Variants in MYO7A observed in about 807,000 individuals in gnomAD.
The protein encoded by MYO7A is myosin VIIA.
MYO7A carries 210 observed loss-of-function variants against 263.8 expected under a neutral mutation model. The ratio of observed to expected loss-of-function variants is 0.80; its 90% CI spans 0.71 to 0.89. The LOEUF (loss-of-function observed/expected upper bound fraction) is 0.89. Ranked by LOEUF, MYO7A falls within the 40% of genes least tolerant of loss-of-function variation. The probability of loss-of-function intolerance (pLI) is 0.00; values close to 1 mark genes in which losing one functional copy is unlikely to be tolerated. For missense variants in MYO7A, 2,820 were observed against 2,968.3 expected (o/e 0.95, Z 1.16); for synonymous variants, 1,239 against 1,197.3 (o/e 1.03, Z -0.72).
chr11:77,181,619 G>T, intron 23 of MYO7A, 30 bp downstream of exon 23: 1 of 1,595,102 alleles, frequency 6.3e-7, no homozygotes, highest in Non-Finnish European at 8.6e-7. Context: ...GGCTCCAGAG[G>T]CCCACACACA....
In MYO7A at chr11:77,192,093, A is replaced by G; in HGVS notation, c.3967A>G (p.Ile1323Val). 6.2e-7 allele frequency: 1 copy of G among 1,613,830 alleles called. No individual in the cohort carries two copies. The highest frequency in any genetic ancestry group is 8.5e-7 in the Non-Finnish European group (1 of 1,179,890). Residue 1323 changes from isoleucine (I) to valine (V), a missense_variant, in exon 31 of 49, where the codon ATC becomes GTC. By Grantham distance (29) the Ile-to-Val change is conservative. Coordinates refer to ENST00000409709, the MANE Select transcript of MYO7A (RefSeq NM_000260.4). ...GSGSDHVMDA[I>V]SQCEQYAKEQ... ...CGGCAGTGACCACGTCATGGACGCC[A>G]TCTCCCAGTGCGAGCAGTACGCCAA...
intron 34 of MYO7A, among the ~76,000 whole-genome samples, chr11:77,199,005 C>G (rs1442417174): frequency 6.6e-6 from 1 of 152,168 alleles, no homozygotes; most frequent in Non-Finnish European, 1.5e-5. Flanking sequence ...GATGGGAGAG[C>G]TCTTTATAAA....
Position 77,184,564 on chromosome 11 carries a change from C to T in MYO7A, c.3376-24C>T, listed in dbSNP as rs782543731. ...AGGGGAACACCCCTAACTTTACCTG[C>T]CCTGTCCTCTCCCTCTGGCCCAGGT... On this transcript the variant is annotated intron_variant, in intron 26 of 48. Coordinates refer to ENST00000409709, the MANE Select transcript of MYO7A (RefSeq NM_000260.4). The T allele has an allele frequency of 2.1e-5, 32 of 1,552,012 alleles. No homozygotes were observed. In the East Asian group the frequency reaches 7.3e-4, roughly 35 times the overall value.
chr11:77,146,605 C>T (rs1312661305), intron 3 of MYO7A, among the ~76,000 whole-genome samples: 1 of 152,002 alleles, frequency 6.6e-6, no homozygotes, highest in Non-Finnish European at 1.5e-5. Context: ...TGCTAGTGTC[C>T]AGCTGTTGGG....
chr11:77,156,994 T>G lies in MYO7A; in HGVS notation c.725T>G (p.Val242Gly). The G allele has an allele frequency of 1.9e-6, 3 of 1,613,136 alleles. No homozygotes were observed. The highest frequency in any genetic ancestry group is 2.5e-6 in the Non-Finnish European group (3 of 1,179,562). The change falls in exon 7 of 49, where the codon GTC becomes GGC. Residue 242 changes from valine (V) to glycine (G), a missense_variant. Coordinates refer to ENST00000409709, the MANE Select transcript of MYO7A (RefSeq NM_000260.4). ...CAGTACCTGCTGGAAAAGTCACGTG[T>G]CTGTCGCCAGGTGGGCCTGAGCCCC... ...IEQYLLEKSR[V>G]CRQALDERNY... is the part of the protein sequence containing the mutation.
At position 77,213,889 on chromosome 11, in the gene MYO7A, G is replaced by T. The variant is rs1173846117; in HGVS notation, c.6468G>T (p.Lys2156Asn). The T allele has an allele frequency of 1.2e-6, 2 of 1,614,016 alleles. No homozygotes were observed. Among genetic ancestry groups the T allele is most frequent in the Non-Finnish European group, 1.7e-6 (2 of 1,179,886 alleles). ...KDILTTHPFT[K>N]ISNWSSGNTY... ...TCCTCACCACTCATCCCTTCACCAA[G>T]ATCTCCAACTGGAGCAGCGGCAACA... The change falls in exon 48 of 49, where the codon AAG (lysine) becomes AAT (asparagine). Residue 2156 changes from lysine to asparagine, a missense_variant. Lys to Asn is a moderately conservative substitution (Grantham distance 94, BLOSUM62 0). Transcript: ENST00000409709.
chr11:77,140,912 CAG>C (rs1304382937), intron 2 of MYO7A, among the ~76,000 whole-genome samples: 1 of 152,216 alleles, frequency 6.6e-6, no homozygotes, highest in African/African-American at 2.4e-5. Flanking sequence ...AGAGGGTCCA[CAG>C]GGGCAGCTGT....
At chr11:77,183,205 G>A (rs71469550) in intron 26 of MYO7A, 48 bp downstream of exon 26, 1 of 1,495,988 alleles carries the variant, frequency 6.7e-7, no homozygotes. Context: ...GGCTGCCTTA[G>A]GTGGCCTAGG....
intron 11 of MYO7A, 37 bp downstream of exon 11, chr11:77,160,319 C>G (rs536596303): frequency 1.4e-5 from 21 of 1,537,866 alleles, no homozygotes; most frequent in Non-Finnish European, 1.8e-5. Flanking sequence ...CTCGCCCTAC[C>G]CCTTGGGAAG....
In MYO7A at chr11:77,194,428, C is replaced by T. The variant is rs781779868; in HGVS notation, c.4227C>T (p.Leu1409=). The T allele has an allele frequency of 6.2e-7, 1 of 1,612,152 alleles. No individual in the cohort carries two copies. The highest frequency in any genetic ancestry group is 2.2e-5 in the East Asian group (1 of 44,826). ...DYGSEMILER[L]LNLVPTYIPD... ...GCTCTGAGATGATCCTGGAGCGCCT[C>T]CTGAACCTCGTGCCCACCTACATCC... The change falls in exon 32 of 49, where the codon CTC becomes CTT. Residue 1409 remains leucine, a synonymous_variant. Coordinates refer to ENST00000409709, the MANE Select transcript of MYO7A (RefSeq NM_000260.4).
chr11:77,161,393 A>T (rs1463832520), intron 12 of MYO7A, among the ~76,000 whole-genome samples: 1 of 152,106 alleles, frequency 6.6e-6, no homozygotes, highest in Non-Finnish European at 1.5e-5. Flanking sequence ...GCCACTGCCG[A>T]TCTGCCCAGA....
intron 12 of MYO7A, among the ~76,000 whole-genome samples, chr11:77,161,377 C>T (rs1952982352): frequency 6.6e-6 from 1 of 152,144 alleles, no homozygotes. Flanking sequence ...TCTCCAGGAC[C>T]CACTGGCCAC....
chr11:77,132,024 G>T (rs567819863), intron 2 of MYO7A, among the ~76,000 whole-genome samples: 1 of 152,208 alleles, frequency 6.6e-6, no homozygotes, highest in Admixed American at 6.5e-5. Flanking sequence ...CCGATGAGAG[G>T]CTAAAATGCC....
intron 17 of MYO7A, 34 bp from the exon 18 acceptor site, chr11:77,175,338 G>T: frequency 6.2e-7 from 1 of 1,601,852 alleles, no homozygotes; most frequent in Non-Finnish European, 8.5e-7. Flanking sequence ...TGGAGAGGCT[G>T]TCCATTCCCT....
intron 44 of MYO7A, 148 bp from the exon 45 acceptor site, chr11:77,211,004 G>C (rs1957823812): frequency 1.4e-6 from 1 of 700,560 alleles, no homozygotes; most frequent in Non-Finnish European, 2.3e-6. Context: ...TCCCCTGGGG[G>C]AGCAGTGTCA....
chr11:77,132,493 G>T (rs370854454), intron 2 of MYO7A, among the ~76,000 whole-genome samples: 83 of 147,886 alleles, frequency 5.6e-4, no homozygotes, highest in Non-Finnish European at 8.2e-4. Flanking sequence ...GTTTGTTTGT[G>T]TGTGTGTTTG....
At position 77,199,668 on chromosome 11, in the gene MYO7A, C is replaced by T; in HGVS notation, c.4702C>T (p.Pro1568Ser). The change falls in exon 35 of 49, where the codon CCC becomes TCC. Residue 1568 changes from proline (P) to serine (S), a missense_variant. Coordinates refer to ENST00000409709, the MANE Select transcript of MYO7A (RefSeq NM_000260.4). ...WSCRGAKTTA[P>S]SFTLATIKGD... ...CTGCAGGGGAGCGAAAACGACGGCC[C>T]CCAGCTTCACGCTGGCCACCATCAA... 5 of 1,613,144 alleles carry T rather than the reference C, an allele frequency of 3.1e-6. No homozygotes were observed. The South Asian group carries it at 5.5e-5, about 18-fold the overall frequency.
chr11:77,128,954 A>T (rs980997373), intron 1 of MYO7A, among the ~76,000 whole-genome samples: 4 of 152,200 alleles, frequency 2.6e-5, no homozygotes, highest in Admixed American at 6.5e-5. Context: ...GGAAGAGGTA[A>T]AATCAGGTAT....
Position 77,179,860 on chromosome 11 carries a change from G to C in MYO7A, c.2493G>C (p.Lys831Asn). ...QARCRAYLVR[K>N]AFRHRLWAVL... is the part of the protein sequence containing the mutation. ...GCTGCCGCGCCTATCTGGTGCGCAA[G>C]GCCTTCCGCCACCGCCTCTGGGCTG... is the stretch of plus-strand genomic sequence containing the variant. The change falls in exon 21 of 49, where the codon AAG becomes AAC. Residue 831 changes from lysine (K) to asparagine (N), a missense_variant. By Grantham distance (94) the Lys-to-Asn change is moderately conservative (BLOSUM62 0). Transcript: ENST00000409709. 1 of 1,541,702 alleles carries C rather than the reference G, an allele frequency of 6.5e-7. No individual in the cohort carries two copies. The highest frequency in any genetic ancestry group is 8.7e-7 in the Non-Finnish European group (1 of 1,146,800).
Sources: allele counts gnomAD v4.1 joint callset (sites outside exome capture counted in the v4.1 genomes callset), GRCh38; gene constraint gnomAD v4.1.1; transcripts MANE v1.5; gene names NCBI Gene and HGNC (gene_info 2026-07-23, HGNC 2026-07-21).